EPCIP: variants seen among roughly 807,000 people sequenced by gnomAD.
The protein encoded by EPCIP is exosomal polycystin-1-interacting protein.
the EPCIP span, chr21:32,793,523 G>T: frequency 8.6e-6 from 5 of 579,198 alleles, no homozygotes; most frequent in Non-Finnish European, 1.2e-5. Context: ...GTCCCTGGAC[G>T]GAATCAAGTT....
chr21:32,795,965 CT>C, the EPCIP span, among the ~76,000 whole-genome samples: 255 of 140,314 alleles, frequency 1.8e-3, 1 homozygote, highest in African/African-American at 6.4e-3. Context: ...TCATTTCTTC[CT>C]TCCTTCTTTC....
chr21:32,809,208 T>TGTGG, the EPCIP span, among the ~76,000 whole-genome samples: 1 of 151,424 alleles, frequency 6.6e-6, no homozygotes, highest in Non-Finnish European at 1.5e-5. Context: ...TGTGTGTGTG[T>TGTGG]GTGTGTGTGT....
At chr21:32,811,804 A>G in the EPCIP span, among the ~76,000 whole-genome samples, 1 of 152,218 alleles carries the variant, frequency 6.6e-6, no homozygotes, top group Admixed American at 6.5e-5. Flanking sequence ...TGCCCTCATG[A>G]ATGGATTAAT....
chr21:32,804,331 A>C, the EPCIP span, among the ~76,000 whole-genome samples: 347 of 150,952 alleles, frequency 2.3e-3, 2 homozygotes, highest in African/African-American at 7.4e-3. Context: ...TTTTGTTTAG[A>C]GATGGGGTCT....
At chr21:32,794,343 G>A in the EPCIP span, 1 of 1,614,226 alleles carries the variant, frequency 6.2e-7, no homozygotes, top group Non-Finnish European at 8.5e-7. Flanking sequence ...CTGTTCTTCT[G>A]ACCTTTGGTG....
chr21:32,810,503 C>T, the EPCIP span: 19 of 455,030 alleles, frequency 4.2e-5, no homozygotes, highest in South Asian at 1.2e-4. Context: ...CCTCGTGATC[C>T]GCCCGCCTCG....
the EPCIP span, among the ~76,000 whole-genome samples, chr21:32,809,182 C>CGTGTGTGTGTGTGT: frequency 4.4e-4 from 53 of 121,144 alleles, 2 homozygotes; most frequent in East Asian, 5.0e-3. Context: ...TCGAGGGGTG[C>CGTGTGTGTGTGTGT]GTGTGTGTGT....
chr21:32,805,680 A>G, the EPCIP span, among the ~76,000 whole-genome samples: 5 of 152,182 alleles, frequency 3.3e-5, no homozygotes, highest in Non-Finnish European at 7.3e-5. Context: ...GAAATTTTTT[A>G]TAGCAGCAAT....
chr21:32,802,762 G>A, the EPCIP span, among the ~76,000 whole-genome samples: 10 of 152,270 alleles, frequency 6.6e-5, no homozygotes, highest in Middle Eastern at 6.8e-3. Context: ...GGGAACCAGT[G>A]GTACAGGGAG....
the EPCIP span, among the ~76,000 whole-genome samples, chr21:32,808,117 T>A: frequency 6.6e-6 from 1 of 152,242 alleles, no homozygotes; most frequent in Non-Finnish European, 1.5e-5. Flanking sequence ...TAATTGCTCT[T>A]GGTTGAGAGA....
chr21:32,809,279 C>CTTTCTTTCTTTCTTTCTTTCTTT, the EPCIP span, among the ~76,000 whole-genome samples: 3 of 79,968 alleles, frequency 3.8e-5, no homozygotes, highest in Admixed American at 1.5e-4. Flanking sequence ...CTCCCTCCTT[C>CTTTCTTTCTTTCTTTCTTTCTTT]CTTTCTTTCT....
At chr21:32,801,984 G>A in the EPCIP span, among the ~76,000 whole-genome samples, 21 of 152,340 alleles carry the variant, frequency 1.4e-4, no homozygotes, top group African/African-American at 4.3e-4. Flanking sequence ...AGTCATTGGC[G>A]CAGATGTCAG....
chr21:32,806,260 A>C, the EPCIP span, among the ~76,000 whole-genome samples: 1 of 152,208 alleles, frequency 6.6e-6, no homozygotes, highest in African/African-American at 2.4e-5. Context: ...ACAGTGAGGA[A>C]TGAGGGACAG....
chr21:32,794,388 T>A, the EPCIP span: 2 of 1,614,196 alleles, frequency 1.2e-6, no homozygotes, highest in South Asian at 1.1e-5. Context: ...AGAGTGCTGA[T>A]CAGAAGAAGA....
the EPCIP span, chr21:32,793,464 C>T: frequency 5.9e-6 from 3 of 506,214 alleles, no homozygotes; most frequent in Non-Finnish European, 1.1e-5. Flanking sequence ...GGACATTTCC[C>T]TGCAGGCTTC....
chr21:32,807,060 C>T, the EPCIP span, among the ~76,000 whole-genome samples: 1 of 152,250 alleles, frequency 6.6e-6, no homozygotes, highest in African/African-American at 2.4e-5. Flanking sequence ...TTGGGAAAAC[C>T]ACCCCCGTGA....
chr21:32,794,204 C>T, the EPCIP span: 51 of 1,614,166 alleles, frequency 3.2e-5, no homozygotes, highest in African/African-American at 6.7e-5. Flanking sequence ...GTAGCTGGTT[C>T]GCTCTACTGC....
At chr21:32,809,800 C>T in the EPCIP span, among the ~76,000 whole-genome samples, 6 of 151,982 alleles carry the variant, frequency 3.9e-5, no homozygotes, top group Non-Finnish European at 5.9e-5. Context: ...TCAAATCTCT[C>T]CTCTTTCATG....
the EPCIP span, chr21:32,810,479 T>G: frequency 1.4e-5 from 6 of 436,388 alleles, no homozygotes; most frequent in Non-Finnish European, 2.8e-5. Context: ...GCTAGGATGG[T>G]CTGACTCTCC....
Sources: allele counts gnomAD v4.1 joint callset (sites outside exome capture counted in the v4.1 genomes callset), GRCh38; gene constraint gnomAD v4.1.1; transcripts MANE v1.5; gene names NCBI Gene and HGNC (gene_info 2026-07-23, HGNC 2026-07-21).